COMT: variants seen among roughly 807,000 people sequenced by gnomAD.
The protein encoded by COMT is catechol O-methyltransferase.
A neutral mutation model predicts 18.9 loss-of-function variants in COMT; 13 were observed. The observed-to-expected ratio is 0.69, with a 90% confidence interval of 0.45 to 1.09. COMT has a LOEUF of 1.09. COMT is among the 50% of genes least tolerant of loss of function. COMT has a pLI of 0.00. For missense variants in COMT, 329 were observed against 361.8 expected, an observed-to-expected ratio of 0.91 and a Z score of 0.73; for synonymous variants, 150 against 160.9, an observed-to-expected ratio of 0.93 and a Z score of 0.51.
intron 1 of COMT, among the ~76,000 whole-genome samples, chr22:19,946,899 A>T (rs565743099): frequency 3.3e-4 from 47 of 144,324 alleles, no homozygotes; most frequent in African/African-American, 8.0e-4. Context: ...ATTAAAAAAA[A>T]TTTTTTTTTA....
chr22:19,951,830 A>G (rs174689), intron 1 of COMT, among the ~76,000 whole-genome samples: 141,793 of 152,310 alleles, frequency 0.93, 66,441 homozygotes, highest in African/African-American at 0.99. Flanking sequence ...TTGGGAAACC[A>G]ATCTGGGTTT....
At chr22:19,966,959 C>A (rs572098963) in intron 5 of COMT, 1 of 985,442 alleles carries the variant, frequency 1.0e-6, no homozygotes, top group African/African-American at 1.7e-5. Flanking sequence ...CAGTCCTGCT[C>A]AGACGCTGAT....
intron 5 of COMT, chr22:19,965,783 A>G (rs1217861141): frequency 1.5e-5 from 2 of 134,784 alleles, no homozygotes; most frequent in African/African-American, 2.8e-5. Context: ...CTGGCCGTGG[A>G]GAGGGAGGAC....
At chr22:19,954,876 G>T (rs901591093) in intron 1 of COMT, among the ~76,000 whole-genome samples, 13 of 152,194 alleles carry the variant, frequency 8.5e-5, no homozygotes, top group Admixed American at 2.0e-4. Context: ...CTAGTCCTCT[G>T]CCTCCTCCTT....
At chr22:19,967,324 G>T (rs4646318) in intron 5 of COMT, 1 of 757,950 alleles carries the variant, frequency 1.3e-6, no homozygotes, top group African/African-American at 1.8e-5. Flanking sequence ...CCCTGCTCAA[G>T]GCCTAGGCCA....
At chr22:19,943,891 C>T (rs967021105) in intron 1 of COMT, among the ~76,000 whole-genome samples, 5 of 106,492 alleles carry the variant, frequency 4.7e-5, no homozygotes, top group Non-Finnish European at 6.0e-5. Context: ...ATGTGGCATG[C>T]AGGAGCTGGA....
In COMT at chr22:19,962,522, T is replaced by G; in HGVS notation, c.1-5T>G. On this transcript the variant is annotated splice_region_variant and splice_polypyrimidine_tract_variant and intron_variant, in intron 2 of 5. Transcript: ENST00000361682. ...CACTGGCGCCCCTCCCCTCCCGCCC[T>G]GCAGATGCCGGAGGCCCCGCCTCTG... The G allele has an allele frequency of 5.4e-6, 5 of 929,738 alleles. No homozygotes were observed. Among genetic ancestry groups the G allele is most frequent in the Non-Finnish European group, 7.8e-6 (5 of 644,922 alleles). 57.6% of individuals were successfully genotyped at this position (929,738 alleles called of 1,614,324 possible).
In COMT at chr22:19,969,818, T is replaced by G. The variant is rs993039812; in HGVS notation, c.*1082T>G. The G allele has an allele frequency of 6.1e-6, 6 of 982,846 alleles. No homozygotes were observed. In the East Asian group the frequency reaches 6.8e-4, roughly 112 times the overall value. 60.9% of individuals were successfully genotyped at this position (982,846 alleles called of 1,614,324 possible). On this transcript the variant is annotated 3_prime_UTR_variant, in exon 6 of 6. Transcript: ENST00000361682. ...CTGGGACCACCTCCACCCAGGGCCC[T>G]GCCCCAGACGCGCAGAGGCCCGACA...
intron 1 of COMT, among the ~76,000 whole-genome samples, chr22:19,949,188 G>A (rs914734293): frequency 2.6e-5 from 4 of 152,088 alleles, no homozygotes; most frequent in African/African-American, 9.7e-5. Context: ...CCAGGATGGA[G>A]TGCAGTGGTG....
At chr22:19,961,978 TG>T in intron 2 of COMT, 1 of 173,008 alleles carries the variant, frequency 5.8e-6, no homozygotes, top group Non-Finnish European at 1.3e-5. Context: ...GTGCCTGGCC[TG>T]GGGACTGCCA....
intron 1 of COMT, among the ~76,000 whole-genome samples, chr22:19,960,905 C>T (rs901722896): frequency 1.1e-4 from 16 of 152,210 alleles, no homozygotes; most frequent in African/African-American, 3.9e-4. Flanking sequence ...TCTTGTGGTT[C>T]ACAAGGTGCA....
chr22:19,955,462 C>T (rs9332348), intron 1 of COMT, among the ~76,000 whole-genome samples: 1,564 of 152,358 alleles, frequency 0.01, 30 homozygotes, highest in African/African-American at 0.034. Flanking sequence ...TTTATCACAC[C>T]GGATCAGCCC....
intron 5 of COMT, among the ~76,000 whole-genome samples, chr22:19,968,279 G>A (rs1408225288): frequency 6.6e-6 from 1 of 152,178 alleles, no homozygotes; most frequent in East Asian, 1.9e-4. Context: ...CTAAGGGATG[G>A]ATACTCCTGA....
At chr22:19,954,175 C>T (rs1942009614) in intron 1 of COMT, among the ~76,000 whole-genome samples, 1 of 145,592 alleles carries the variant, frequency 6.9e-6, no homozygotes, top group Non-Finnish European at 1.5e-5. Flanking sequence ...AGCAGGTGTG[C>T]AGTCCGTGTG....
intron 1 of COMT, among the ~76,000 whole-genome samples, chr22:19,958,445 A>T (rs1942113296): frequency 6.6e-6 from 1 of 152,032 alleles, no homozygotes. Context: ...AATTACAGTC[A>T]TGAGCCACCA....
intron 1 of COMT, among the ~76,000 whole-genome samples, chr22:19,958,653 G>C (rs1942119325): frequency 1.3e-5 from 2 of 149,502 alleles, no homozygotes; most frequent in Admixed American, 6.7e-5. Flanking sequence ...GGCCAAGGGG[G>C]TGGAGCACTT....
chr22:19,949,225 C>A (rs184775081), intron 1 of COMT, among the ~76,000 whole-genome samples: 7 of 152,134 alleles, frequency 4.6e-5, no homozygotes, highest in African/African-American at 1.7e-4. Flanking sequence ...CAGCCTTGAC[C>A]TCCTGGGCTC....
In COMT at chr22:19,968,570, T is replaced by TG; in HGVS notation, c.652dup (p.Ala218GlyfsTer2). The TG allele has an allele frequency of 6.2e-7, 1 of 1,614,102 alleles. No homozygotes were observed. Among genetic ancestry groups the TG allele is most frequent in the Non-Finnish European group, 8.5e-7 (1 of 1,180,012 alleles). On this transcript the variant is annotated frameshift_variant, in exon 6 of 6. Transcript: ENST00000361682. LOFTEE classifies it low-confidence loss of function (END_TRUNC). ...CTGCTGCGGAAGGGGACAGTGCTAC[T>TG]GGCTGACAACGTGATCTGCCCAGGT...
In COMT at chr22:19,969,537, GGGTCAGACTGCTAGCCACCTCAGA is replaced by G. The variant is rs996132331; in HGVS notation, c.*804_*827del. 1 of 152,260 alleles carries G rather than the reference GGGTCAGACTGCTAGCCACCTCAGA, an allele frequency of 6.6e-6. No homozygotes were observed. The highest frequency in any genetic ancestry group is 1.5e-5 in the Non-Finnish European group (1 of 68,116). The allele number at this position is 152,260 out of a possible 1,614,324, so 9.4% of individuals were successfully genotyped here. Reference sequence around the variant, plus strand: ...TAGAGCTGTCCCCATCTCCTCCAAGGGGTCAGACTGCTAGCCACCTCAGAGGCTCCAAGGGCCCAGTTCCCAGGC... The same window carrying G: ...TAGAGCTGTCCCCATCTCCTCCAAGGGGCTCCAAGGGCCCAGTTCCCAGGC... On this transcript the variant is annotated 3_prime_UTR_variant, in exon 6 of 6. Coordinates refer to ENST00000361682, the MANE Select transcript of COMT (RefSeq NM_000754.4).
Sources: allele counts gnomAD v4.1 joint callset (sites outside exome capture counted in the v4.1 genomes callset), GRCh38; gene constraint gnomAD v4.1.1; transcripts MANE v1.5; gene names NCBI Gene and HGNC (gene_info 2026-07-23, HGNC 2026-07-21).